ZNF536: variants seen among roughly 807,000 people sequenced by gnomAD.
The protein encoded by ZNF536 is zinc finger protein 536.
In ZNF536, 13 loss-of-function variants were observed where a neutral mutation model predicts 84.5. The observed-to-expected ratio is 0.15, with a 90% CI of 0.10 to 0.24. The LOEUF (loss-of-function observed/expected upper bound fraction) is 0.24, where lower values mean the gene tolerates loss of function less well. Among genes scored for constraint, ZNF536 ranks in the 10% least tolerant of loss-of-function variants. The pLI, the probability that ZNF536 is intolerant of heterozygous loss-of-function variation, is 1.00. For missense variants in ZNF536, 1,536 were observed against 1,747.5 expected (o/e 0.88, Z 2.16); for synonymous variants, 811 against 742.5 (o/e 1.09, Z -1.50).
intron 1 of ZNF536, among the ~76,000 whole-genome samples, chr19:30,606,229 TAATAAAATAA>T (rs368491547): frequency 0.012 from 1,170 of 93,912 alleles, 20 homozygotes; most frequent in Admixed American, 0.019. Flanking sequence ...TAAAATAAAA[TAATAAAATAA>T]AATAAAATAA....
At chr19:30,670,043 G>A (rs1260289476) in intron 1 of ZNF536, among the ~76,000 whole-genome samples, 1 of 152,196 alleles carries the variant, frequency 6.6e-6, no homozygotes, top group Non-Finnish European at 1.5e-5. Context: ...CCCTCATCCT[G>A]CCCAGGTGGG....
upstream of ZNF536, among the ~76,000 whole-genome samples, chr19:30,225,629 G>A (rs2022571143): frequency 6.6e-6 from 1 of 151,048 alleles, no homozygotes; most frequent in African/African-American, 2.4e-5. Flanking sequence ...CTCCGTTTAC[G>A]TGCCCGAGTT....
chr19:30,400,280 T>A (rs2049995038), intron 1 of ZNF536, among the ~76,000 whole-genome samples: 1 of 152,168 alleles, frequency 6.6e-6, no homozygotes. Flanking sequence ...GGGTATGTTT[T>A]ATTTTTTATT....
intron 4 of ZNF536, among the ~76,000 whole-genome samples, chr19:30,553,789 CAT>C (rs1370971248): frequency 6.6e-6 from 1 of 152,198 alleles, no homozygotes; most frequent in Non-Finnish European, 1.5e-5. Context: ...AGGATCATGA[CAT>C]TGCACTCGAG....
chr19:30,512,929 G>A (rs1024617640), intron 2 of ZNF536, among the ~76,000 whole-genome samples: 1 of 152,192 alleles, frequency 6.6e-6, no homozygotes, highest in South Asian at 2.1e-4. Context: ...AGAGAACAGC[G>A]CATCAGCCGG....
At chr19:30,601,530 T>A (rs2047684212) in intron 1 of ZNF536, among the ~76,000 whole-genome samples, 1 of 152,120 alleles carries the variant, frequency 6.6e-6, no homozygotes, top group Admixed American at 6.5e-5. Context: ...CTAAATTGCA[T>A]GTAACACTTG....
At chr19:30,281,642 G>T (rs2045448671) in intron 1 of ZNF536, among the ~76,000 whole-genome samples, 1 of 152,194 alleles carries the variant, frequency 6.6e-6, no homozygotes, top group African/African-American at 2.4e-5. Context: ...TGTTGCTGGG[G>T]AGGGCTGCGT....
intron 2 of ZNF536, among the ~76,000 whole-genome samples, chr19:30,506,618 C>T (rs961012985): frequency 2.0e-5 from 3 of 152,162 alleles, no homozygotes; most frequent in Non-Finnish European, 4.4e-5. Context: ...TTGCACAAAG[C>T]GGGCAGGTTG....
intron 2 of ZNF536, among the ~76,000 whole-genome samples, chr19:30,502,256 C>T (rs1442750424): frequency 6.6e-6 from 1 of 152,178 alleles, no homozygotes; most frequent in African/African-American, 2.4e-5. Flanking sequence ...TGTCTTGAGT[C>T]TATTAGACCT....
rs193040681 is a variant in ZNF536 at position 30,692,017 on chromosome 19, C to A, written c.170-18740C>A. ...GTCTCTGCAGGCGGTCATGGCCGGG[C>A]CTGGGAGGCCCCCTCTCGGATCCCA... On this transcript the variant is annotated intron_variant, in intron 1 of 1. Transcript: ENST00000592773. 1.6e-4 allele frequency among the ~76,000 whole-genome samples: 25 copies of A among 152,250 alleles called. No homozygotes were observed. In the East Asian group the frequency reaches 4.8e-3, roughly 30 times the overall value.
rs115125309 is a variant in ZNF536 at position 30,653,388 on chromosome 19, T to A, written c.170-57369T>A. ...GGGCATGGAAGGTTAGGTGGGGCCCTCTGAGAGGCCTATGAGTGCAATGAA... is the reference window on the plus strand; with the variant it reads ...GGGCATGGAAGGTTAGGTGGGGCCCACTGAGAGGCCTATGAGTGCAATGAA... On this transcript the variant is annotated intron_variant, in intron 1 of 1. Coordinates refer to the ZNF536 transcript ENST00000592773. Among the ~76,000 whole-genome samples the A allele has an allele frequency of 1.4e-3, 214 of 152,266 alleles. 1 individual carries two copies. The highest frequency in any genetic ancestry group is 5.0e-3 in the African/African-American group (207 of 41,560).
intron 2 of ZNF536, among the ~76,000 whole-genome samples, chr19:30,514,973 C>T (rs1055333903): frequency 2.0e-5 from 3 of 152,072 alleles, no homozygotes; most frequent in Non-Finnish European, 2.9e-5. Context: ...TGTGGCCCAG[C>T]GTGGTGGCTC....
chr19:30,435,388 GTGA>G (rs1200448135), intron 1 of ZNF536, among the ~76,000 whole-genome samples: 1 of 150,294 alleles, frequency 6.7e-6, no homozygotes, highest in East Asian at 1.9e-4. Context: ...TGATGATGGT[GTGA>G]TGATGATGCT....
chr19:30,628,471 C>T (rs2048769833), intron 1 of ZNF536, among the ~76,000 whole-genome samples: 1 of 151,716 alleles, frequency 6.6e-6, no homozygotes, highest in Non-Finnish European at 1.5e-5. Flanking sequence ...CTCTGTCGCC[C>T]AGGCTGGAGT....
chr19:30,357,982 A>G (rs2048152708), intron 3 of ZNF536, among the ~76,000 whole-genome samples: 1 of 152,190 alleles, frequency 6.6e-6, no homozygotes. Flanking sequence ...AGGGAGTTGC[A>G]GACATCTCCT....
chr19:30,491,752 A>T (rs554942515), intron 2 of ZNF536, among the ~76,000 whole-genome samples: 3 of 152,236 alleles, frequency 2.0e-5, no homozygotes, highest in African/African-American at 7.2e-5. Context: ...GTTGAACCAG[A>T]TGCCAGGACT....
chr19:30,330,698 T>C (rs12971497), intron 2 of ZNF536, among the ~76,000 whole-genome samples: 3,290 of 152,278 alleles, frequency 0.022, 42 homozygotes, highest in Non-Finnish European at 0.033. Context: ...GACATGGCCA[T>C]TGTAGACATG....
chr19:30,456,764 G>A (rs531121019), intron 2 of ZNF536, among the ~76,000 whole-genome samples: 64 of 151,912 alleles, frequency 4.2e-4, no homozygotes, highest in African/African-American at 1.4e-3. Context: ...AGTAGAGGCC[G>A]GGCACGGTGG....
At chr19:30,520,480 G>C (rs1319666231) in intron 2 of ZNF536, among the ~76,000 whole-genome samples, 1 of 152,054 alleles carries the variant, frequency 6.6e-6, no homozygotes, top group Non-Finnish European at 1.5e-5. Context: ...CATCCCCCCA[G>C]GTCCTCATAC....
Sources: gnomAD v4.1 joint callset for allele counts (sites outside exome capture counted in the v4.1 genomes callset) on GRCh38, gnomAD v4.1.1 for gene constraint, MANE v1.5 for transcripts, NCBI Gene and HGNC (gene_info 2026-07-23, HGNC 2026-07-21) for gene names.